TBC1D4: variants seen among roughly 807,000 people sequenced by gnomAD.
TBC1D4 encodes TBC (Tre-2, BUB2, CDC16) domain-containing protein.
In TBC1D4, 121 loss-of-function variants were observed where a neutral mutation model predicts 142.5. The observed-to-expected ratio is 0.85, with a 90% confidence interval of 0.73 to 0.99. The LOEUF (loss-of-function observed/expected upper bound fraction) is 0.99, where lower values mean the gene tolerates loss of function less well. TBC1D4 is among the 50% of genes least tolerant of loss of function. TBC1D4 has a pLI of 0.00. For synonymous variants in TBC1D4, 630 were observed against 628.2 expected, an observed-to-expected ratio of 1.00 and a Z score of -0.04; for missense variants, 1,475 against 1,606.6, an observed-to-expected ratio of 0.92 and a Z score of 1.40.
In TBC1D4 at chr13:75,286,776, G is replaced by A. The variant is rs746188320; in HGVS notation, c.*16C>T. On this transcript the variant is annotated 3_prime_UTR_variant, in exon 21 of 21. Transcript: ENST00000377636. ...TATTCTAAGGAGCACTTTCTGCTGA[G>A]GCCGTGCCTCTTCAATTATGGCTTA... is the stretch of plus-strand genomic sequence containing the variant. 1.2e-6 allele frequency: 2 copies of A among 1,610,992 alleles called. No homozygotes were observed. Among genetic ancestry groups the A allele is most frequent in the African/African-American group, 2.7e-5 (2 of 74,850 alleles).
intron 1 of TBC1D4, among the ~76,000 whole-genome samples, chr13:75,365,332 GT>G (rs72296888): frequency 0.08 from 11,048 of 137,608 alleles, 1,094 homozygotes; most frequent in African/African-American, 0.25. Context: ...CAACAGCTCT[GT>G]TTTTTTTTTT....
At chr13:75,414,580 G>T (rs1885831594) in intron 1 of TBC1D4, among the ~76,000 whole-genome samples, 1 of 152,060 alleles carries the variant, frequency 6.6e-6, no homozygotes, top group Non-Finnish European at 1.5e-5. Context: ...TTTATGTTGG[G>T]AGAAGAAAGG....
chr13:75,306,562 G>T, intron 14 of TBC1D4, 91 bp from the exon 15 acceptor site: 1 of 1,489,170 alleles, frequency 6.7e-7, no homozygotes, highest in Non-Finnish European at 9.2e-7. Context: ...CATACCAAAT[G>T]ACTTTCAGGA....
intron 1 of TBC1D4, among the ~76,000 whole-genome samples, chr13:75,440,396 G>A (rs747245061): frequency 6.6e-5 from 10 of 151,832 alleles, no homozygotes; most frequent in Non-Finnish European, 1.5e-4. Flanking sequence ...AGGGTTTTAA[G>A]CAGTGAAGTA....
chr13:75,294,097 GGTT>G (rs749981525), intron 18 of TBC1D4, among the ~76,000 whole-genome samples: 4 of 152,136 alleles, frequency 2.6e-5, no homozygotes, highest in Non-Finnish European at 2.9e-5. Context: ...ATGAAGAGTT[GGTT>G]GTTGTTGTTG....
chr13:75,415,958 G>T (rs73221939), intron 1 of TBC1D4, among the ~76,000 whole-genome samples: 4,414 of 152,240 alleles, frequency 0.029, 160 homozygotes, highest in Admixed American at 0.1. Context: ...AAATTCAAGG[G>T]TCACAGAACT....
At chr13:75,343,553 C>T (rs1207666439) in intron 5 of TBC1D4, among the ~76,000 whole-genome samples, 1 of 150,790 alleles carries the variant, frequency 6.6e-6, no homozygotes, top group Non-Finnish European at 1.5e-5. Flanking sequence ...GTTTCGCTCT[C>T]GTTGCCCGGG....
chr13:75,340,152 T>C (rs535752342), intron 7 of TBC1D4, among the ~76,000 whole-genome samples: 3 of 152,270 alleles, frequency 2.0e-5, no homozygotes, highest in East Asian at 3.9e-4. Flanking sequence ...TTTTGTCACC[T>C]TTTTCCATCA....
intron 14 of TBC1D4, 32 bp downstream of exon 14, chr13:75,309,910 A>G (rs1157763829): frequency 1.9e-6 from 3 of 1,609,264 alleles, no homozygotes; most frequent in Non-Finnish European, 2.6e-6. Flanking sequence ...CAATCATAGC[A>G]TCATAGCATT....
intron 1 of TBC1D4, among the ~76,000 whole-genome samples, chr13:75,363,508 T>C (rs1256681983): frequency 6.6e-6 from 1 of 152,220 alleles, no homozygotes; most frequent in Non-Finnish European, 1.5e-5. Context: ...AATGTAACCA[T>C]AGCACCTGTT....
rs964632759 is a variant in TBC1D4, at chr13:75,296,686, C to G, written c.3157-1673G>C. The stretch of plus-strand genomic sequence containing the variant: ...GGTGAACTGGAGAAGGAAAGATGCA[C>G]AGAGAGAGATAAGGGTAGGGGAGAG... On this transcript the variant is annotated intron_variant, in intron 17 of 20. Transcript: ENST00000377636. Among the ~76,000 whole-genome samples the G allele has an allele frequency of 4.0e-5, 6 of 151,384 alleles. No individual in the cohort carries two copies. The East Asian group carries it at 7.8e-4, about 20-fold the overall frequency.
chr13:75,386,386 C>CTTTTCTTTTT (rs1884169496), intron 1 of TBC1D4, among the ~76,000 whole-genome samples: 1 of 143,754 alleles, frequency 7.0e-6, no homozygotes. Context: ...TTTTCTTTTT[C>CTTTTCTTTTT]TTTTTCTTTT....
rs187021837 is a variant in TBC1D4 at position 75,315,216 on chromosome 13, G to A, written c.2223-2318C>T. ...CCAGCTACTCAGGAGGCTGAGGTGGGAGAATCGCTTGAACCCAGGAGGCAA... is the reference window on the plus strand; with the variant it reads ...CCAGCTACTCAGGAGGCTGAGGTGGAAGAATCGCTTGAACCCAGGAGGCAA... On this transcript the variant is annotated intron_variant, in intron 12 of 20. Transcript: ENST00000377636. Among the ~76,000 whole-genome samples the A allele has an allele frequency of 7.8e-4, 113 of 145,696 alleles. 1 individual carries two copies. The highest frequency in any genetic ancestry group is 2.7e-3 in the African/African-American group (105 of 39,388).
At chr13:75,464,277 C>T (rs1245302569) in intron 1 of TBC1D4, among the ~76,000 whole-genome samples, 4 of 152,206 alleles carry the variant, frequency 2.6e-5, no homozygotes, top group African/African-American at 9.6e-5. Flanking sequence ...ATGGCCATGA[C>T]GCCCACGCTG....
At chr13:75,438,096 T>A (rs762846504) in intron 1 of TBC1D4, among the ~76,000 whole-genome samples, 1 of 152,226 alleles carries the variant, frequency 6.6e-6, no homozygotes, top group South Asian at 2.1e-4. Flanking sequence ...TTCTGCTATA[T>A]CCAATAATTG....
chr13:75,330,463 G>T (rs1250181619), intron 8 of TBC1D4, among the ~76,000 whole-genome samples: 1 of 152,146 alleles, frequency 6.6e-6, no homozygotes, highest in African/African-American at 2.4e-5. Context: ...ACTACGTTAA[G>T]GATTTTACAC....
At chr13:75,453,365 T>G (rs1319479556) in intron 1 of TBC1D4, among the ~76,000 whole-genome samples, 1 of 152,016 alleles carries the variant, frequency 6.6e-6, no homozygotes, top group East Asian at 1.9e-4. Flanking sequence ...TTTAATACAA[T>G]AATAACATTA....
In TBC1D4 at chr13:75,458,591, T is replaced by C. The variant is rs565543918; in HGVS notation, c.498+22679A>G. 3.3e-5 allele frequency among the ~76,000 whole-genome samples: 5 copies of C among 152,302 alleles called. No individual in the cohort carries two copies. The South Asian group carries it at 1.0e-3, about 32-fold the overall frequency. Reference sequence around the variant, plus strand: ...TTACCTAGTATTTCCCTGCATCCTATCTGTATCATAAACAAGCAAGTGTTA... The same window carrying C: ...TTACCTAGTATTTCCCTGCATCCTACCTGTATCATAAACAAGCAAGTGTTA... On this transcript the variant is annotated intron_variant, in intron 1 of 20. Transcript: ENST00000377636.
Position 75,336,978 on chromosome 13 carries a change from A to C in TBC1D4, c.1674T>G (p.Ile558Met). 1 of 1,613,644 alleles carries C rather than the reference A, an allele frequency of 6.2e-7. No individual in the cohort carries two copies. The highest frequency in any genetic ancestry group is 2.2e-5 in the East Asian group (1 of 44,748). The change falls in exon 8 of 21, where the codon ATT becomes ATG. Residue 558 changes from isoleucine (I) to methionine (M), a missense_variant. Physicochemically the swap from Ile to Met is conservative, Grantham distance 10. Coordinates refer to ENST00000377636, the MANE Select transcript of TBC1D4 (RefSeq NM_014832.5). ...ATSSGRFKLD[I>M]LKNKAKRSLT... ...AGGATCTCTTAGCTTTATTTTTCAGAATGTCAAGTTTGAACCTTCCACTGC... is the reference window on the plus strand; with the variant it reads ...AGGATCTCTTAGCTTTATTTTTCAGCATGTCAAGTTTGAACCTTCCACTGC...
Sources: gnomAD v4.1 joint callset for allele counts (sites outside exome capture counted in the v4.1 genomes callset) on GRCh38, gnomAD v4.1.1 for gene constraint, MANE v1.5 for transcripts, NCBI Gene and HGNC (gene_info 2026-07-23, HGNC 2026-07-21) for gene names.